Variants in ATP8A1 observed in about 807,000 individuals in gnomAD.
ATP8A1 encodes the protein phospholipid-transporting ATPase IA.
ATP8A1 carries 90 observed loss-of-function variants against 177.7 expected under a neutral mutation model. The ratio of observed to expected loss-of-function variants is 0.51; its 90% CI spans 0.43 to 0.60. The LOEUF is 0.60. Ranked by LOEUF, ATP8A1 falls within the 20% of genes least tolerant of loss-of-function variation. ATP8A1 has a pLI of 0.00. For missense variants in ATP8A1, 1,072 were observed against 1,392.8 expected, an observed-to-expected ratio of 0.77 and a Z score of 3.67; for synonymous variants, 493 against 485.9, an observed-to-expected ratio of 1.01 and a Z score of -0.19.
chr4:42,528,101 G>C (rs180817469), intron 20 of ATP8A1, among the ~76,000 whole-genome samples: 1 of 152,298 alleles, frequency 6.6e-6, no homozygotes, highest in East Asian at 1.9e-4. Flanking sequence ...ATGGTGGTCA[G>C]GTAATTAATG....
chr4:42,600,719 C>A (rs1171393101), intron 5 of ATP8A1, among the ~76,000 whole-genome samples: 1 of 152,158 alleles, frequency 6.6e-6, no homozygotes, highest in Non-Finnish European at 1.5e-5. Flanking sequence ...TTAGCTCCCA[C>A]AACATCACTA....
intron 21 of ATP8A1, among the ~76,000 whole-genome samples, chr4:42,524,002 G>T (rs1726419770): frequency 2.0e-5 from 3 of 152,192 alleles, no homozygotes; most frequent in African/African-American, 7.2e-5. Flanking sequence ...AGCTGAAACA[G>T]ATAGGAGTGA....
At chr4:42,426,277 A>T (rs1175038802) in intron 33 of ATP8A1, among the ~76,000 whole-genome samples, 1 of 152,184 alleles carries the variant, frequency 6.6e-6, no homozygotes, top group East Asian at 1.9e-4. Flanking sequence ...GTCTCATAGG[A>T]GAGAGAATTC....
intron 16 of ATP8A1, 142 bp downstream of exon 16, chr4:42,555,826 A>C (rs931787248): frequency 5.3e-6 from 3 of 561,168 alleles, no homozygotes; most frequent in South Asian, 2.6e-5. Flanking sequence ...TCTGTCTCAA[A>C]TAACTAACTA....
At chr4:42,601,864 T>C (rs946227660) in intron 5 of ATP8A1, among the ~76,000 whole-genome samples, 2 of 152,124 alleles carry the variant, frequency 1.3e-5, no homozygotes, top group Non-Finnish European at 2.9e-5. Flanking sequence ...ATCCCCAAAA[T>C]GTTAAACAGC....
At chr4:42,560,670 C>T (rs899832532) in intron 15 of ATP8A1, among the ~76,000 whole-genome samples, 5 of 151,680 alleles carry the variant, frequency 3.3e-5, no homozygotes, top group Admixed American at 6.6e-5. Context: ...TGACAAATTA[C>T]GAATTCTTTA....
chr4:42,512,788 A>G (rs1654030828), intron 22 of ATP8A1, among the ~76,000 whole-genome samples: 1 of 152,204 alleles, frequency 6.6e-6, no homozygotes, highest in Non-Finnish European at 1.5e-5. Context: ...TCCTCATTGA[A>G]TAGGTCTACG....
At chr4:42,515,634 G>A (rs560595131) in intron 22 of ATP8A1, among the ~76,000 whole-genome samples, 1 of 152,254 alleles carries the variant, frequency 6.6e-6, no homozygotes, top group East Asian at 1.9e-4. Flanking sequence ...TCCTATCTTA[G>A]TGCCTTATCT....
chr4:42,439,493 A>G (rs775202351), intron 33 of ATP8A1, among the ~76,000 whole-genome samples: 28 of 152,354 alleles, frequency 1.8e-4, no homozygotes, highest in Middle Eastern at 3.4e-3. Flanking sequence ...AGCAAGCAAA[A>G]AATGTTATTT....
At chr4:42,488,870 G>A (rs938580031) in intron 24 of ATP8A1, among the ~76,000 whole-genome samples, 6 of 152,146 alleles carry the variant, frequency 3.9e-5, no homozygotes, top group Non-Finnish European at 8.8e-5. Flanking sequence ...AGGAAAGACC[G>A]CGTTAAACCT....
chr4:42,654,661 C>T (rs527559382), intron 1 of ATP8A1, among the ~76,000 whole-genome samples: 3 of 152,302 alleles, frequency 2.0e-5, no homozygotes, highest in Middle Eastern at 3.4e-3. Flanking sequence ...TGCTTTTACT[C>T]TAAATCTCTA....
At chr4:42,615,675 G>T (rs1736834738) in intron 5 of ATP8A1, among the ~76,000 whole-genome samples, 1 of 152,140 alleles carries the variant, frequency 6.6e-6, no homozygotes, top group Non-Finnish European at 1.5e-5. Flanking sequence ...CATCACATGT[G>T]ATTATTTTCT....
At chr4:42,506,979 A>C in intron 23 of ATP8A1, 37 bp downstream of exon 23, 1 of 1,604,166 alleles carries the variant, frequency 6.2e-7, no homozygotes, top group Non-Finnish European at 8.5e-7. Flanking sequence ...ACTTATTAAA[A>C]AGCACCAACA....
intron 9 of ATP8A1, among the ~76,000 whole-genome samples, chr4:42,582,044 G>C (rs1208485436): frequency 6.6e-6 from 1 of 152,038 alleles, no homozygotes; most frequent in Non-Finnish European, 1.5e-5. Context: ...TGACCCTTCG[G>C]GAGCTAATGT....
chr4:42,480,016 G>GTGTGTGTGTGTC (rs1401524931), intron 25 of ATP8A1, among the ~76,000 whole-genome samples: 2 of 151,358 alleles, frequency 1.3e-5, no homozygotes, highest in African/African-American at 2.4e-5. Flanking sequence ...GTGTGTGTGT[G>GTGTGTGTGTGTC]TGTGTGTGTG....
intron 15 of ATP8A1, among the ~76,000 whole-genome samples, chr4:42,560,393 A>G (rs1190722767): frequency 2.6e-5 from 4 of 152,108 alleles, no homozygotes; most frequent in African/African-American, 9.7e-5. Context: ...ATCAAATTTA[A>G]AACAAGTACA....
chr4:42,505,992 G>T (rs1240866762), intron 23 of ATP8A1, among the ~76,000 whole-genome samples: 1 of 151,998 alleles, frequency 6.6e-6, no homozygotes, highest in Non-Finnish European at 1.5e-5. Context: ...CTTTCCCTGT[G>T]TAAGATCTCT....
At chr4:42,510,294 C>T (rs1340672446) in intron 22 of ATP8A1, among the ~76,000 whole-genome samples, 1 of 152,096 alleles carries the variant, frequency 6.6e-6, no homozygotes, top group Non-Finnish European at 1.5e-5. Context: ...TTGAAATCTA[C>T]CATAACCTGA....
chr4:42,606,529 C>G (rs1735813491), intron 5 of ATP8A1, among the ~76,000 whole-genome samples: 1 of 152,130 alleles, frequency 6.6e-6, no homozygotes, highest in African/African-American at 2.4e-5. Flanking sequence ...TGGGTGGCTA[C>G]AAGGGAGTTT....
Sources: allele counts gnomAD v4.1 joint callset (sites outside exome capture counted in the v4.1 genomes callset), GRCh38; gene constraint gnomAD v4.1.1; transcripts MANE v1.5; gene names NCBI Gene and HGNC (gene_info 2026-07-23, HGNC 2026-07-21).